RALY: variants seen among roughly 807,000 people sequenced by gnomAD.
RALY encodes RALY heterogeneous nuclear ribonucleoprotein.
RALY carries 15 observed loss-of-function variants against 30.7 expected under a neutral mutation model. That is an observed-to-expected ratio of 0.49 (90% CI 0.33 to 0.75). The LOEUF (loss-of-function observed/expected upper bound fraction) is 0.75, where lower values mean the gene tolerates loss of function less well. RALY is among the 30% of genes least tolerant of loss of function. The pLI, the probability that RALY is intolerant of heterozygous loss-of-function variation, is 0.02. For missense variants in RALY, 339 were observed against 414.3 expected (o/e 0.82, Z 1.58); for synonymous variants, 177 against 170.8 (o/e 1.04, Z -0.28).
At position 34,061,008 on chromosome 20, in the gene RALY, A is replaced by G. The variant is rs142437460; in HGVS notation, c.-9-11058A>G. Among the ~76,000 whole-genome samples the G allele has an allele frequency of 9.5e-4, 144 of 152,298 alleles. 1 individual carries two copies. Among genetic ancestry groups the G allele is most frequent in the African/African-American group, 3.4e-3 (142 of 41,570 alleles). On this transcript the variant is annotated intron_variant, in intron 2 of 9. Coordinates refer to ENST00000246194, the MANE Select transcript of RALY (RefSeq NM_016732.3). ...TGGTGTCCATTCCTCTCAGCTCCCTAGATGGAGAGAGAAGACTGGTTTGTA... is the reference window on the plus strand; with the variant it reads ...TGGTGTCCATTCCTCTCAGCTCCCTGGATGGAGAGAGAAGACTGGTTTGTA...
intron 2 of RALY, among the ~76,000 whole-genome samples, chr20:34,042,736 AC>A (rs1362090074): frequency 6.6e-6 from 1 of 152,216 alleles, no homozygotes; most frequent in African/African-American, 2.4e-5. Context: ...TGAAAATATA[AC>A]CTTTGGAAAT....
chr20:34,068,299 A>G (rs1450170891), intron 2 of RALY, among the ~76,000 whole-genome samples: 1 of 152,134 alleles, frequency 6.6e-6, no homozygotes, highest in Non-Finnish European at 1.5e-5. Flanking sequence ...GGATGTCAAT[A>G]TTTTCTAGGG....
rs977065936 is a variant in RALY, at chr20:34,080,943, T to A, written c.*1038T>A. On this transcript the variant is annotated 3_prime_UTR_variant, in exon 10 of 10. Coordinates refer to ENST00000246194, the MANE Select transcript of RALY (RefSeq NM_016732.3). ...TCCAGTGACAGCAATCAGTAGGAAG[T>A]TTGCATCCGGAGACACGCAGCCTGT... 1 of 152,172 alleles carries A rather than the reference T, an allele frequency of 6.6e-6. No individual in the cohort carries two copies. The highest frequency in any genetic ancestry group is 2.4e-5 in the African/African-American group (1 of 41,420). 9.4% of individuals were successfully genotyped at this position (152,172 alleles called of 1,614,324 possible). A position where few individuals can be genotyped will look rare whatever the true frequency, so the allele number is the denominator to read the frequency against.
intron 2 of RALY, among the ~76,000 whole-genome samples, chr20:34,038,178 C>T (rs910279640): frequency 6.6e-6 from 1 of 152,138 alleles, no homozygotes; most frequent in South Asian, 2.1e-4. Flanking sequence ...AAAGAAGATC[C>T]TTTTGTCCCT....
At chr20:34,030,948 A>G (rs780211409) in intron 1 of RALY, among the ~76,000 whole-genome samples, 2 of 152,098 alleles carry the variant, frequency 1.3e-5, no homozygotes, top group Admixed American at 6.5e-5. Flanking sequence ...CATTTTATCT[A>G]AAATAGACTT....
chr20:34,003,832 G>A (rs1457904880), intron 1 of RALY, among the ~76,000 whole-genome samples: 2 of 151,794 alleles, frequency 1.3e-5, no homozygotes, highest in African/African-American at 4.8e-5. Flanking sequence ...GTAGAGACAG[G>A]GTTTCACCGT....
At chr20:34,061,027 G>T (rs1481734659) in intron 2 of RALY, among the ~76,000 whole-genome samples, 2 of 152,156 alleles carry the variant, frequency 1.3e-5, no homozygotes, top group Admixed American at 6.5e-5. Flanking sequence ...GAGAAGACTG[G>T]TTTGTAAACA....
intron 2 of RALY, among the ~76,000 whole-genome samples, chr20:34,035,894 GA>G (rs1436685276): frequency 6.6e-6 from 1 of 152,320 alleles, no homozygotes; most frequent in East Asian, 1.9e-4. Flanking sequence ...AAATATGCAA[GA>G]ACTGGAGTAG....
At chr20:33,998,272 T>C (rs1568644996) in intron 1 of RALY, among the ~76,000 whole-genome samples, 2 of 152,010 alleles carry the variant, frequency 1.3e-5, no homozygotes, top group Non-Finnish European at 2.9e-5. Context: ...TAACCCAGCA[T>C]TGGAAGGTCA....
At chr20:33,997,630 A>G (rs1169918438) in intron 1 of RALY, among the ~76,000 whole-genome samples, 3 of 152,176 alleles carry the variant, frequency 2.0e-5, no homozygotes, top group Non-Finnish European at 4.4e-5. Flanking sequence ...AGAGGCACAC[A>G]GGAGGGATTA....
intron 2 of RALY, among the ~76,000 whole-genome samples, chr20:34,059,972 C>T (rs866463412): frequency 2.9e-4 from 44 of 152,152 alleles, no homozygotes; most frequent in South Asian, 1.2e-3. Context: ...AGTTGTATTC[C>T]TTATGAGCTC....
At chr20:34,057,511 CA>C (rs1344137777) in intron 2 of RALY, among the ~76,000 whole-genome samples, 1 of 151,786 alleles carries the variant, frequency 6.6e-6, no homozygotes, top group Non-Finnish European at 1.5e-5. Context: ...ACTGAAAATA[CA>C]AAAAATTAGC....
intron 1 of RALY, among the ~76,000 whole-genome samples, chr20:34,001,874 C>T (rs2030932773): frequency 6.6e-6 from 1 of 152,160 alleles, no homozygotes; most frequent in Non-Finnish European, 1.5e-5. Flanking sequence ...TCATGCCATT[C>T]TCCTGCCTCA....
At chr20:34,069,924 C>G (rs1330244332) in intron 2 of RALY, among the ~76,000 whole-genome samples, 2 of 152,168 alleles carry the variant, frequency 1.3e-5, no homozygotes, top group Non-Finnish European at 2.9e-5. Context: ...ACTGCTGACT[C>G]TAGTATATCC....
At chr20:34,051,536 G>A (rs1255616203) in intron 2 of RALY, among the ~76,000 whole-genome samples, 1 of 152,274 alleles carries the variant, frequency 6.6e-6, no homozygotes, top group East Asian at 1.9e-4. Flanking sequence ...GTAACTGCAG[G>A]TATCCTATCT....
Position 34,083,924 on chromosome 20 carries a change from T to G in RALY, c.*4019T>G, listed in dbSNP as rs1460928926. 1 of 152,250 alleles carries G rather than the reference T, an allele frequency of 6.6e-6. No homozygotes were observed. The highest frequency in any genetic ancestry group is 1.5e-5 in the Non-Finnish European group (1 of 68,042). The allele number at this position is 152,250 out of a possible 1,614,324, so 9.4% of individuals were successfully genotyped here. On this transcript the variant is annotated 3_prime_UTR_variant, in exon 10 of 10. Transcript: ENST00000246194. ...CAAAATCCCTCCACCAGTAGCCAGATTCTTCATAATAAACTTCCTCCATAA... is the reference window on the plus strand; with the variant it reads ...CAAAATCCCTCCACCAGTAGCCAGAGTCTTCATAATAAACTTCCTCCATAA...
intron 9 of RALY, among the ~76,000 whole-genome samples, chr20:34,079,322 G>T (rs2033981573): frequency 6.6e-6 from 1 of 152,188 alleles, no homozygotes; most frequent in South Asian, 2.1e-4. Flanking sequence ...GCCCAGTGGT[G>T]TGTGGCTTCA....
intron 2 of RALY, among the ~76,000 whole-genome samples, chr20:34,038,092 G>A (rs976879454): frequency 3.3e-5 from 5 of 152,212 alleles, no homozygotes; most frequent in Non-Finnish European, 5.9e-5. Context: ...TGGGGGAAAG[G>A]AATTGCATGC....
chr20:34,020,961 T>A (rs1233917563), intron 1 of RALY, among the ~76,000 whole-genome samples: 2 of 152,038 alleles, frequency 1.3e-5, no homozygotes, highest in African/African-American at 2.4e-5. Context: ...TTTTTTTTTT[T>A]AATTAGTTTA....
Sources: allele counts gnomAD v4.1 joint callset (sites outside exome capture counted in the v4.1 genomes callset), GRCh38; gene constraint gnomAD v4.1.1; transcripts MANE v1.5; gene names NCBI Gene and HGNC (gene_info 2026-07-23, HGNC 2026-07-21).